PARPBP: variants seen among roughly 807,000 people sequenced by gnomAD.
PARPBP encodes PARP1 binding protein.
Under a neutral mutation model 50.0 loss-of-function variants are expected in PARPBP, and 52 were observed. The observed-to-expected ratio is 1.04, with a 90% CI of 0.83 to 1.31. The LOEUF (loss-of-function observed/expected upper bound fraction) is 1.31. PARPBP is among the 50% of genes most tolerant of loss of function. The pLI is 0.00. For synonymous variants in PARPBP, 244 were observed against 232.1 expected, an observed-to-expected ratio of 1.05 and a Z score of -0.47; for missense variants, 697 against 672.0, an observed-to-expected ratio of 1.04 and a Z score of -0.41.
chr12:102,195,475 TAACA>T, intron 10 of PARPBP, 28 bp downstream of exon 10: 1 of 1,531,578 alleles, frequency 6.5e-7, no homozygotes, highest in Non-Finnish European at 8.9e-7. Flanking sequence ...TGCAATTAAA[TAACA>T]ATTTAATTCT....
chr12:102,134,664 G>C (rs1332199060), intron 2 of PARPBP, among the ~76,000 whole-genome samples: 2 of 151,916 alleles, frequency 1.3e-5, no homozygotes, highest in African/African-American at 4.8e-5. Context: ...TTATTTTACT[G>C]TTGAGTTGTT....
intron 5 of PARPBP, among the ~76,000 whole-genome samples, chr12:102,165,317 C>T (rs1408907594): frequency 3.3e-5 from 5 of 152,144 alleles, no homozygotes; most frequent in Non-Finnish European, 7.4e-5. Context: ...AATTGCCCAA[C>T]CAATTCACCT....
chr12:102,175,378 C>G, intron 6 of PARPBP, 105 bp from the exon 7 acceptor site: 2 of 686,672 alleles, frequency 2.9e-6, no homozygotes, highest in Non-Finnish European at 4.8e-6. Context: ...AAGATCAAAG[C>G]TATATTCTTT....
At chr12:102,126,007 C>T (rs902490217) in intron 2 of PARPBP, among the ~76,000 whole-genome samples, 3 of 152,156 alleles carry the variant, frequency 2.0e-5, no homozygotes, top group Admixed American at 1.3e-4. Flanking sequence ...GCAAAGATTA[C>T]CCAGAGAGAT....
Position 102,172,439 on chromosome 12 carries a change from A to C in PARPBP, c.822-3044A>C, listed in dbSNP as rs143865495. Among the ~76,000 whole-genome samples, 381 of 152,296 alleles carry C rather than the reference A, an allele frequency of 2.5e-3. 3 individuals are homozygous for C. The highest frequency in any genetic ancestry group is 8.9e-3 in the African/African-American group (369 of 41,564). ...AAATATCCTGATGTCATTTTAGTTA[A>C]AACTTCTGGAGTTTCTAGGCTTTAG... On this transcript the variant is annotated intron_variant, in intron 6 of 10. Transcript: ENST00000327680.
chr12:102,187,359 T>A (rs1242791904), intron 9 of PARPBP, among the ~76,000 whole-genome samples: 1 of 152,108 alleles, frequency 6.6e-6, no homozygotes, highest in Non-Finnish European at 1.5e-5. Context: ...TTTTTTTTCT[T>A]TTTTCTTGTT....
At chr12:102,141,311 C>CT (rs1010811475) in intron 2 of PARPBP, among the ~76,000 whole-genome samples, 353 of 147,824 alleles carry the variant, frequency 2.4e-3, no homozygotes, top group Middle Eastern at 3.5e-3. Flanking sequence ...GCAACCCCTG[C>CT]TTTTTTTTTT....
At position 102,196,928 on chromosome 12, in the gene PARPBP, A is replaced by C. The variant is rs1428156929; in HGVS notation, c.*637A>C. ...TTCACTTTAACTCAGAGTTCTGTTT[A>C]ATGGTGGTAGGATGTAAGAATTGAA... On this transcript the variant is annotated 3_prime_UTR_variant, in exon 11 of 11. Coordinates refer to ENST00000327680, the MANE Select transcript of PARPBP (RefSeq NM_017915.5). 6.8e-7 allele frequency: 1 copy of C among 1,471,088 alleles called. No individual in the cohort carries two copies. Among genetic ancestry groups the C allele is most frequent in the Admixed American group, 1.7e-5 (1 of 58,596 alleles). The allele number at this position is 1,471,088 out of a possible 1,614,324, so 91.1% of individuals were successfully genotyped here. A position where few individuals can be genotyped will look rare whatever the true frequency, so the allele number is the denominator to read the frequency against.
At chr12:102,154,708 A>G in intron 4 of PARPBP, 1 of 375,480 alleles carries the variant, frequency 2.7e-6, no homozygotes, top group Non-Finnish European at 5.2e-6. Flanking sequence ...AAATAAAAAT[A>G]TTTTACCCCA....
chr12:102,158,120 C>CAAAAAAAAAAAAA (rs55962862), intron 4 of PARPBP, among the ~76,000 whole-genome samples: 2 of 47,992 alleles, frequency 4.2e-5, no homozygotes, highest in Admixed American at 2.2e-4. Context: ...GACTCCATCT[C>CAAAAAAAAAAAAA]AAAAAAAAAA....
At position 102,197,239 on chromosome 12, in the gene PARPBP, A is replaced by G. The variant is rs957462748; in HGVS notation, c.*948A>G. ...GAGTGGAACTATAATACAATTGTAT[A>G]ATATTCTTGTTGATCAATTCAAAGT... On this transcript the variant is annotated 3_prime_UTR_variant, in exon 11 of 11. Coordinates refer to ENST00000327680, the MANE Select transcript of PARPBP (RefSeq NM_017915.5). 8.2e-7 allele frequency: 1 copy of G among 1,213,800 alleles called. No individual in the cohort carries two copies. Among genetic ancestry groups the G allele is most frequent in the Non-Finnish European group, 1.2e-6 (1 of 844,562 alleles). The allele number at this position is 1,213,800 out of a possible 1,614,324, so 75.2% of individuals were successfully genotyped here.
At chr12:102,147,375 A>G (rs1385856113) in intron 2 of PARPBP, among the ~76,000 whole-genome samples, 2 of 152,162 alleles carry the variant, frequency 1.3e-5, no homozygotes, top group Non-Finnish European at 2.9e-5. Context: ...ACCATGGAAT[A>G]CTATGCAGCC....
chr12:102,125,169 T>G lies in PARPBP; in HGVS notation c.153+1128T>G, dbSNP rs565682452. Among the ~76,000 whole-genome samples the G allele has an allele frequency of 3.9e-5, 6 of 152,312 alleles. No individual in the cohort carries two copies. The East Asian group carries it at 1.2e-3, about 29-fold the overall frequency. ...ACAAATATTGAGTTTTTACTGTGTG[T>G]TAGACATCATTGTAAAAATTGGGAA... On this transcript the variant is annotated intron_variant, in intron 2 of 10. Coordinates refer to ENST00000327680, the MANE Select transcript of PARPBP (RefSeq NM_017915.5).
At chr12:102,186,130 C>T (rs984270143) in intron 9 of PARPBP, among the ~76,000 whole-genome samples, 8 of 151,690 alleles carry the variant, frequency 5.3e-5, no homozygotes, top group Non-Finnish European at 1.2e-4. Flanking sequence ...CTCTAATGAC[C>T]CTTTGAATTT....
At chr12:102,135,256 A>G (rs1883447220) in intron 2 of PARPBP, among the ~76,000 whole-genome samples, 2 of 152,100 alleles carry the variant, frequency 1.3e-5, no homozygotes, top group Admixed American at 1.3e-4. Context: ...AGTAAAATGA[A>G]AATGTGGGCC....
At chr12:102,122,973 T>C (rs1386284325) in intron 1 of PARPBP, among the ~76,000 whole-genome samples, 2 of 152,202 alleles carry the variant, frequency 1.3e-5, no homozygotes, top group African/African-American at 4.8e-5. Context: ...AAAATAACCA[T>C]TTCCTTCTGA....
intron 3 of PARPBP, chr12:102,152,098 G>A (rs910890822): frequency 9.5e-6 from 3 of 316,074 alleles, no homozygotes; most frequent in African/African-American, 6.5e-5. Flanking sequence ...TGCATCCCTT[G>A]CTCTGCTGCT....
At chr12:102,133,325 T>C (rs930374831) in intron 2 of PARPBP, among the ~76,000 whole-genome samples, 4 of 152,160 alleles carry the variant, frequency 2.6e-5, no homozygotes, top group Non-Finnish European at 5.9e-5. Context: ...TTTTTTTATA[T>C]CTAATGTGTT....
Position 102,164,660 on chromosome 12 carries a change from T to C in PARPBP, c.666+52T>C, listed in dbSNP as rs1446748828. ...TAAGACTCCTTGCACAGTGGATCCATGTATCCTAATATGCTTGTAACTAGG... is the reference window on the plus strand; with the variant it reads ...TAAGACTCCTTGCACAGTGGATCCACGTATCCTAATATGCTTGTAACTAGG... On this transcript the variant is annotated intron_variant, in intron 5 of 10. Coordinates refer to ENST00000327680, the MANE Select transcript of PARPBP (RefSeq NM_017915.5). The C allele has an allele frequency of 3.5e-6, 5 of 1,420,826 alleles. No individual in the cohort carries two copies. In the Admixed American group the frequency reaches 5.0e-5, roughly 14 times the overall value. 88.0% of individuals were successfully genotyped at this position (1,420,826 alleles called of 1,614,324 possible).
Sources: gnomAD v4.1 joint callset for allele counts (sites outside exome capture counted in the v4.1 genomes callset) on GRCh38, gnomAD v4.1.1 for gene constraint, MANE v1.5 for transcripts, NCBI Gene and HGNC (gene_info 2026-07-23, HGNC 2026-07-21) for gene names.